FBXL17: variants seen among roughly 807,000 people sequenced by gnomAD.
FBXL17 encodes F-box and leucine rich repeat protein 17, also known as F-box/LRR-repeat protein 17.
Under a neutral mutation model 66.2 loss-of-function variants are expected in FBXL17, and 22 were observed. That is an observed-to-expected ratio of 0.33 (90% CI 0.24 to 0.47). The LOEUF (loss-of-function observed/expected upper bound fraction) is 0.47. Among genes scored for constraint, FBXL17 ranks in the 20% least tolerant of loss-of-function variants. The probability of loss-of-function intolerance (pLI) is 1.00; values close to 1 mark genes in which losing one functional copy is unlikely to be tolerated. For synonymous variants in FBXL17, 474 were observed against 400.5 expected (o/e 1.18, Z -2.19); for missense variants, 878 against 948.2 (o/e 0.93, Z 0.97).
At chr5:108,121,410 T>G (rs138888446) in intron 6 of FBXL17, among the ~76,000 whole-genome samples, 48 of 152,246 alleles carry the variant, frequency 3.2e-4, no homozygotes, top group South Asian at 8.3e-4. Flanking sequence ...CACATTTATA[T>G]GCTCTACACA....
Position 108,297,051 on chromosome 5 carries a change from G to A in FBXL17, c.1506+51348C>T, listed in dbSNP as rs1437054700. The stretch of plus-strand genomic sequence containing the variant: ...GAAATAATAAACCTAGCATGCATAG[G>A]TAACAATATATAAATCACCTAACCT... On this transcript the variant is annotated intron_variant, in intron 4 of 8. Coordinates refer to ENST00000542267, the MANE Select transcript of FBXL17 (RefSeq NM_001163315.3). Among the ~76,000 whole-genome samples, 6 of 151,082 alleles carry A rather than the reference G, an allele frequency of 4.0e-5. No individual in the cohort carries two copies. The South Asian group carries it at 8.3e-4, about 21-fold the overall frequency.
chr5:108,038,514 T>C (rs1429399497), intron 6 of FBXL17, among the ~76,000 whole-genome samples: 1 of 152,154 alleles, frequency 6.6e-6, no homozygotes, highest in Non-Finnish European at 1.5e-5. Context: ...TGTTTGAAAC[T>C]TTCCACAATA....
chr5:108,295,761 C>T (rs925466804), intron 4 of FBXL17, among the ~76,000 whole-genome samples: 2 of 151,782 alleles, frequency 1.3e-5, no homozygotes, highest in African/African-American at 2.4e-5. Context: ...ACAAATTTGG[C>T]CTGTGCCTCA....
intron 6 of FBXL17, among the ~76,000 whole-genome samples, chr5:108,073,119 T>C (rs1007015859): frequency 6.6e-6 from 1 of 152,096 alleles, no homozygotes; most frequent in Non-Finnish European, 1.5e-5. Flanking sequence ...AAAGGCACAG[T>C]AAAGAGGACA....
rs192184175 is a variant in FBXL17, at chr5:108,115,103, T to A, written c.1745+71014A>T. 4.9e-4 allele frequency among the ~76,000 whole-genome samples: 74 copies of A among 152,294 alleles called. 1 individual carries two copies. In the South Asian group the frequency reaches 0.013, roughly 27 times the overall value. ...ACGTATTTAAAGAAAACCTGAGGAA[T>A]GATTATTAGGAAATATAGGAAGGTG... On this transcript the variant is annotated intron_variant, in intron 6 of 8. Coordinates refer to ENST00000542267, the MANE Select transcript of FBXL17 (RefSeq NM_001163315.3).
chr5:108,374,317 A>G (rs1251964749), intron 1 of FBXL17, among the ~76,000 whole-genome samples: 1 of 152,212 alleles, frequency 6.6e-6, no homozygotes, highest in Admixed American at 6.5e-5. Context: ...GTCTCAACAA[A>G]TTTGAAAATA....
At chr5:108,010,542 A>G (rs1754136612) in intron 7 of FBXL17, among the ~76,000 whole-genome samples, 1 of 152,114 alleles carries the variant, frequency 6.6e-6, no homozygotes, top group Admixed American at 6.5e-5. Context: ...TGGAGGAATA[A>G]AAGACAGAAA....
chr5:108,199,790 G>A (rs1753816653), intron 5 of FBXL17, among the ~76,000 whole-genome samples: 1 of 152,046 alleles, frequency 6.6e-6, no homozygotes, highest in African/African-American at 2.4e-5. Context: ...AAGATGTGTT[G>A]GTCAAGGTAT....
intron 7 of FBXL17, among the ~76,000 whole-genome samples, chr5:107,907,594 A>G (rs1749807634): frequency 6.6e-6 from 1 of 152,180 alleles, no homozygotes; most frequent in Non-Finnish European, 1.5e-5. Flanking sequence ...AAACAAATTT[A>G]CAAGAAAAAA....
intron 5 of FBXL17, among the ~76,000 whole-genome samples, chr5:108,217,152 C>T (rs1389569818): frequency 2.0e-5 from 3 of 152,086 alleles, no homozygotes; most frequent in South Asian, 2.1e-4. Context: ...CTTCCCCTTC[C>T]CAGTCCATAA....
intron 5 of FBXL17, among the ~76,000 whole-genome samples, chr5:108,219,185 G>A (rs541618332): frequency 2.9e-4 from 44 of 152,172 alleles, no homozygotes; most frequent in African/African-American, 1.0e-3. Context: ...GTGTTGAATT[G>A]GTATTATTTC....
chr5:108,231,806 C>G (rs923845584), intron 4 of FBXL17, among the ~76,000 whole-genome samples: 3 of 152,160 alleles, frequency 2.0e-5, no homozygotes, highest in African/African-American at 7.2e-5. Flanking sequence ...CACAGGAGAT[C>G]CATACAGGAT....
At chr5:108,025,515 T>C (rs916705788) in intron 6 of FBXL17, among the ~76,000 whole-genome samples, 2 of 152,062 alleles carry the variant, frequency 1.3e-5, no homozygotes, top group Non-Finnish European at 2.9e-5. Flanking sequence ...TGAATAAACG[T>C]GTGGATCAAA....
intron 7 of FBXL17, among the ~76,000 whole-genome samples, chr5:107,938,925 G>C (rs2112586141): frequency 6.6e-6 from 1 of 152,060 alleles, no homozygotes; most frequent in East Asian, 1.9e-4. Flanking sequence ...TCATAATATT[G>C]TATTTCTAGG....
intron 7 of FBXL17, among the ~76,000 whole-genome samples, chr5:107,952,367 A>G (rs1424166987): frequency 6.6e-6 from 1 of 152,190 alleles, no homozygotes; most frequent in Non-Finnish European, 1.5e-5. Flanking sequence ...TGCCTCCACT[A>G]TAACTGAAAC....
chr5:108,073,244 T>C (rs535451030), intron 6 of FBXL17, among the ~76,000 whole-genome samples: 51 of 152,300 alleles, frequency 3.3e-4, no homozygotes, highest in African/African-American at 1.2e-3. Flanking sequence ...GATAAAAATC[T>C]GAACCACATT....
At chr5:108,225,101 C>A (rs1485524137) in intron 4 of FBXL17, among the ~76,000 whole-genome samples, 1 of 152,168 alleles carries the variant, frequency 6.6e-6, no homozygotes, top group Non-Finnish European at 1.5e-5. Context: ...CTATTTCCCA[C>A]TACCTCCAAG....
intron 7 of FBXL17, among the ~76,000 whole-genome samples, chr5:107,914,230 C>A (rs898634109): frequency 2.0e-5 from 3 of 152,036 alleles, no homozygotes; most frequent in African/African-American, 7.2e-5. Context: ...TTACTAGAGT[C>A]ATGGGGGAAA....
chr5:108,020,831 C>G (rs900041437), intron 7 of FBXL17, 94 bp downstream of exon 7: 1 of 888,876 alleles, frequency 1.1e-6, no homozygotes, highest in African/African-American at 1.6e-5. Flanking sequence ...TAGACAGTCT[C>G]TATGATATAG....
Sources: allele counts gnomAD v4.1 joint callset (sites outside exome capture counted in the v4.1 genomes callset), GRCh38; gene constraint gnomAD v4.1.1; transcripts MANE v1.5; gene names NCBI Gene and HGNC (gene_info 2026-07-23, HGNC 2026-07-21).